The following SERPINB1 variants were observed in gnomAD, a reference collection of about 807,000 sequenced individuals.
SERPINB1 encodes the protein serpin family B member 1, also known as leukocyte elastase inhibitor.
A neutral mutation model predicts 25.9 loss-of-function variants in SERPINB1; 23 were observed. That is an observed-to-expected ratio of 0.89 (90% CI 0.64 to 1.26). The LOEUF is 1.26. Ranked by LOEUF, SERPINB1 falls within the 50% of genes most tolerant of loss-of-function variation. The pLI is 0.00. For missense variants in SERPINB1, 399 were observed against 463.6 expected, an observed-to-expected ratio of 0.86 and a Z score of 1.28; for synonymous variants, 178 against 178.7, an observed-to-expected ratio of 1.00 and a Z score of 0.03.
rs1766403590 is a variant in SERPINB1, at chr6:2,833,668, G to C, written c.1080C>G (p.Phe360Leu). ...ENFTADHPFL[F>L]FIRHNSSGSI... ...TACCTGAGGAATTATGCCGAATAAA[G>C]AAAAGGAATGGATGGTCGGCAGTGA... The change falls in exon 7 of 7, where the codon TTC becomes TTG. Residue 360 changes from phenylalanine to leucine, a missense_variant. Coordinates refer to ENST00000380739, the MANE Select transcript of SERPINB1 (RefSeq NM_030666.4). The C allele has an allele frequency of 6.2e-7, 1 of 1,614,202 alleles. No homozygotes were observed. The highest frequency in any genetic ancestry group is 2.2e-5 in the East Asian group (1 of 44,892).
At position 2,833,428 on chromosome 6, in the gene SERPINB1, G is replaced by A; in HGVS notation, c.*180C>T. On this transcript the variant is annotated 3_prime_UTR_variant, in exon 7 of 7. Coordinates refer to ENST00000380739, the MANE Select transcript of SERPINB1 (RefSeq NM_030666.4). ...TTTTTCAATGTAAAAAAGAAAAATA[G>A]ATACCCATGCCAAAATTCATGGGTG... The A allele has an allele frequency of 1.9e-6, 1 of 529,400 alleles. No individual in the cohort carries two copies. 32.8% of individuals were successfully genotyped at this position (529,400 alleles called of 1,614,324 possible).
At chr6:2,839,310 AG>A in intron 2 of SERPINB1, 6 of 985,380 alleles carry the variant, frequency 6.1e-6, no homozygotes, top group Non-Finnish European at 7.2e-6. Flanking sequence ...AAAATTGCAT[AG>A]GGTACGAAGT....
chr6:2,833,539 T>A lies in SERPINB1; in HGVS notation c.*69A>T. On this transcript the variant is annotated 3_prime_UTR_variant, in exon 7 of 7. Transcript: ENST00000380739. ...TTTATTGGTAAAGATATAAGACATA[T>A]TGGCTCTATTAAAAACTCAGGTAAT... 7.4e-7 allele frequency: 1 copy of A among 1,346,056 alleles called. No individual in the cohort carries two copies. The highest frequency in any genetic ancestry group is 1.0e-6 in the Non-Finnish European group (1 of 985,320). 83.4% of individuals were successfully genotyped at this position (1,346,056 alleles called of 1,614,324 possible).
chr6:2,837,570 C>T lies in SERPINB1; in HGVS notation c.424+312G>A, dbSNP rs1284723118. Among the ~76,000 whole-genome samples the T allele has an allele frequency of 2.6e-5, 4 of 152,282 alleles. No individual in the cohort carries two copies. Among genetic ancestry groups the T allele is most frequent in the South Asian group, 4.1e-4 (2 of 4,828 alleles). On this transcript the variant is annotated intron_variant, in intron 4 of 6. Transcript: ENST00000380739. The surrounding 1 kb of genome is among the most constrained non-coding windows in gnomAD (Gnocchi z 4.3). ...TGCTGGGATTACAGGCATGAGCCAC[C>T]GCGCCTGCCAATGTTGGTTTTAACT...
Position 2,835,980 on chromosome 6 carries a change from A to G in SERPINB1, c.611T>C (p.Phe204Ser), listed in dbSNP as rs775687282. The change falls in exon 6 of 7, where the codon TTT (phenylalanine) becomes TCT (serine). Residue 204 changes from phenylalanine to serine, a missense_variant. Physicochemically the swap from Phe to Ser is radical, Grantham distance 155. Transcript: ENST00000380739. ...AAGGTCCTCGATGTAGCCATATGCA[A>G]ATTTTTTCTTCTGATACATCATTTT... Reference protein sequence around the residue: ...TVKMMYQKKKFAYGYIEDLKC... With the variant: ...TVKMMYQKKKSAYGYIEDLKC... 3 of 1,614,140 alleles carry G rather than the reference A, an allele frequency of 1.9e-6. No individual in the cohort carries two copies. Among genetic ancestry groups the G allele is most frequent in the Non-Finnish European group, 8.5e-7 (1 of 1,180,024 alleles).
At position 2,838,615 on chromosome 6, in the gene SERPINB1, AC is replaced by A. The variant is rs1307988843; in HGVS notation, c.239del (p.Arg80LeufsTer7). ...CAAGTTTCAGAATATAAGACGCTCC[AC>A]GTTTGTTGATATCAGCATTCAGACT... ...FQSLNADINK[R>X]GASYILKLAN... On this transcript the variant is annotated frameshift_variant, in exon 3 of 7. Transcript: ENST00000380739. LOFTEE classifies it high-confidence loss of function. 3 of 1,610,596 alleles carry A rather than the reference AC, an allele frequency of 1.9e-6. No individual in the cohort carries two copies. The highest frequency in any genetic ancestry group is 3.4e-5 in the Admixed American group (2 of 59,470).
chr6:2,838,407 A>T (rs189265145), intron 3 of SERPINB1, 142 bp downstream of exon 3: 1 of 697,808 alleles, frequency 1.4e-6, no homozygotes, highest in South Asian at 3.5e-5. Context: ...TTTGCCTTCC[A>T]TATTGTTTTT....
At chr6:2,836,366 T>G (rs2293771) in intron 4 of SERPINB1, 116 bp from the exon 5 acceptor site, 147,763 of 1,126,520 alleles carry the variant, frequency 0.13, 10,283 homozygotes, top group South Asian at 0.18. Context: ...TAATTTTCAT[T>G]TAACAAGATA....
In SERPINB1 at chr6:2,833,835, A is replaced by G; in HGVS notation, c.913T>C (p.Ser305Pro). Reference protein sequence around the residue: ...DLFNSSKADLSGMSGARDIFI... With the variant: ...DLFNSSKADLPGMSGARDIFI... The stretch of plus-strand genomic sequence containing the variant: ...ATATCTCTGGCTCCTGACATGCCAG[A>G]CAGATCAGCCTTGCTACTGTTAAAG... The change falls in exon 7 of 7, where the codon TCT (serine) becomes CCT (proline). Residue 305 changes from serine (S) to proline (P), a missense_variant. By Grantham distance (74) the Ser-to-Pro change is moderately conservative (BLOSUM62 -1). Transcript: ENST00000380739. 1.2e-6 allele frequency: 2 copies of G among 1,614,206 alleles called. No individual in the cohort carries two copies. Among genetic ancestry groups the G allele is most frequent in the Non-Finnish European group, 8.5e-7 (1 of 1,180,032 alleles).
Position 2,837,917 on chromosome 6 carries a change from T to C in SERPINB1, c.389A>G (p.Lys130Arg). The change falls in exon 4 of 7, where the codon AAG (lysine) becomes AGG (arginine). Residue 130 changes from lysine to arginine, a missense_variant. Transcript: ENST00000380739. This position sits in a 1 kb window ranked among gnomAD's most constrained non-coding sequence, Gnocchi z 4.3. ...DFQHASEDAR[K>R]TINQWVKGQT... is the part of the protein sequence containing the mutation. ...TCCTTTGACCCACTGGTTTATGGTC[T>C]TCCTTGCATCTTCAGAGGCATGCTG... 1 of 1,614,142 alleles carries C rather than the reference T, an allele frequency of 6.2e-7. No individual in the cohort carries two copies.
chr6:2,832,376 C>CT lies in SERPINB1; in HGVS notation c.*1231dup, dbSNP rs1394639680. On this transcript the variant is annotated 3_prime_UTR_variant, in exon 7 of 7. Coordinates refer to ENST00000380739, the MANE Select transcript of SERPINB1 (RefSeq NM_030666.4). ...ACGTTTTATTAATTCATGATGCCCACTATCCTTGTGGGAGCAAGAATATGC... is the reference window on the plus strand; with the variant it reads ...ACGTTTTATTAATTCATGATGCCCACTTATCCTTGTGGGAGCAAGAATATGC... 3 of 152,222 alleles carry CT rather than the reference C, an allele frequency of 2.0e-5. No homozygotes were observed. Among genetic ancestry groups the CT allele is most frequent in the Non-Finnish European group, 1.5e-5 (1 of 68,064 alleles). The allele number at this position is 152,222 out of a possible 1,614,324, so 9.4% of individuals were successfully genotyped here.
At position 2,833,956 on chromosome 6, in the gene SERPINB1, G is replaced by A. The variant is rs1439886344; in HGVS notation, c.792C>T (p.Leu264=). The change falls in exon 7 of 7, where the codon CTC becomes CTT. Residue 264 remains leucine (L), a synonymous_variant. Coordinates refer to ENST00000380739, the MANE Select transcript of SERPINB1 (RefSeq NM_030666.4). Reference sequence around the variant, plus strand: ...AGCTGACATTAACTTCAATGAAATCGAGATTCTCAGGTTTAGTCCACTCAT... The same window carrying A: ...AGCTGACATTAACTTCAATGAAATCAAGATTCTCAGGTTTAGTCCACTCAT... The part of the protein sequence containing the change: ...KLHEWTKPEN[L]DFIEVNVSLP... 5.6e-6 allele frequency: 9 copies of A among 1,613,432 alleles called. No homozygotes were observed. Among genetic ancestry groups the A allele is most frequent in the Admixed American group, 3.3e-5 (2 of 59,940 alleles).
At chr6:2,840,684 G>T in intron 1 of SERPINB1, 90 bp from the exon 2 acceptor site, 1 of 1,301,934 alleles carries the variant, frequency 7.7e-7, no homozygotes, top group Non-Finnish European at 1.0e-6. Context: ...CTCAATTTCT[G>T]CCAACCGCCC....
chr6:2,840,223 C>T (rs1766606698), intron 2 of SERPINB1, among the ~76,000 whole-genome samples, 196 bp downstream of exon 2: 1 of 152,086 alleles, frequency 6.6e-6, no homozygotes, highest in Non-Finnish European at 1.5e-5. Context: ...GTTCCTGGTA[C>T]GTGGTAGGTA....
rs1218517084 is a variant in SERPINB1, at chr6:2,835,919, C to T, written c.672G>A (p.Glu224=). Residue 224 remains glutamate, a synonymous_variant, in exon 6 of 7, where the codon GAG becomes GAA. Coordinates refer to ENST00000380739, the MANE Select transcript of SERPINB1 (RefSeq NM_030666.4). The part of the protein sequence containing the change: ...CRVLELPYQG[E]ELSMVILLPD... Reference sequence around the variant, plus strand: ...GCAGCAGGATGACCATGCTGAGCTCCTCGCCTTGGTAAGGCAGTTCCAGCA... The same window carrying T: ...GCAGCAGGATGACCATGCTGAGCTCTTCGCCTTGGTAAGGCAGTTCCAGCA... The T allele has an allele frequency of 1.2e-6, 2 of 1,614,166 alleles. No individual in the cohort carries two copies. The highest frequency in any genetic ancestry group is 3.3e-5 in the Admixed American group (2 of 60,024).
Position 2,841,447 on chromosome 6 carries a change from G to A in SERPINB1, c.-9+365C>T, listed in dbSNP as rs1159047803. 6.6e-6 allele frequency: 1 copy of A among 152,628 alleles called. No homozygotes were observed. Among genetic ancestry groups the A allele is most frequent in the Non-Finnish European group, 1.5e-5 (1 of 68,426 alleles). The allele number at this position is 152,628 out of a possible 1,614,324, so 9.5% of individuals were successfully genotyped here. A position where few individuals can be genotyped will look rare whatever the true frequency, so the allele number is the denominator to read the frequency against. On this transcript the variant is annotated intron_variant, in intron 1 of 6. Coordinates refer to ENST00000380739, the MANE Select transcript of SERPINB1 (RefSeq NM_030666.4). The surrounding 1 kb of genome is among the most constrained non-coding windows in gnomAD (Gnocchi z 4.5). ...CAGATAGGAGCCGCGGCCTGGCCCT[G>A]GGCTGCCTGGAAACCGTCACAAACA... is the stretch of plus-strand genomic sequence containing the variant.
In SERPINB1 at chr6:2,836,135, C is replaced by T. The variant is rs747495354; in HGVS notation, c.540G>A (p.Thr180=). 3.7e-6 allele frequency: 6 copies of T among 1,613,880 alleles called. No individual in the cohort carries two copies. In the African/African-American group the frequency reaches 4.0e-5, roughly 11 times the overall value. The change falls in exon 5 of 7, where the codon ACG becomes ACA. Residue 180 remains threonine, a synonymous_variant. Coordinates refer to ENST00000380739, the MANE Select transcript of SERPINB1 (RefSeq NM_030666.4). The part of the protein sequence containing the change: ...NWKDKFMKEA[T]TNAPFRLNKK... ...TATTCAATCTGAATGGTGCATTCGT[C>T]GTGGCTTCTTTCATGAATTTATCCT... is the stretch of plus-strand genomic sequence containing the variant.
Position 2,838,460 on chromosome 6 carries a change from T to C in SERPINB1, c.306+89A>G, listed in dbSNP as rs908431654. 4 of 1,234,790 alleles carry C rather than the reference T, an allele frequency of 3.2e-6. No individual in the cohort carries two copies. The African/African-American group carries it at 6.2e-5, about 19-fold the overall frequency. 76.5% of individuals were successfully genotyped at this position (1,234,790 alleles called of 1,614,324 possible). Reference sequence around the variant, plus strand: ...TATTGTTTTTCTGAAAGTTTACAAATATTAAAACTGACCTCCATGACTTGA... The same window carrying C: ...TATTGTTTTTCTGAAAGTTTACAAACATTAAAACTGACCTCCATGACTTGA... On this transcript the variant is annotated intron_variant, in intron 3 of 6. Transcript: ENST00000380739.
chr6:2,832,997 T>C lies in SERPINB1; in HGVS notation c.*611A>G, dbSNP rs1254418017. The C allele has an allele frequency of 6.6e-6, 1 of 152,150 alleles. No homozygotes were observed. The highest frequency in any genetic ancestry group is 1.5e-5 in the Non-Finnish European group (1 of 68,064). The allele number at this position is 152,150 out of a possible 1,614,324, so 9.4% of individuals were successfully genotyped here. A position where few individuals can be genotyped will look rare whatever the true frequency, so the allele number is the denominator to read the frequency against. Reference sequence around the variant, plus strand: ...GCAGCGCCACATGAACTATATATTATACATAAAGAAGAACAAAAAAGGGAA... The same window carrying C: ...GCAGCGCCACATGAACTATATATTACACATAAAGAAGAACAAAAAAGGGAA... On this transcript the variant is annotated 3_prime_UTR_variant, in exon 7 of 7. Transcript: ENST00000380739.
Sources: gnomAD v4.1 joint callset for allele counts (sites outside exome capture counted in the v4.1 genomes callset) on GRCh38, gnomAD v4.1.1 for gene constraint, Gnocchi (gnomAD v3.1) non-coding constraint, MANE v1.5 for transcripts, NCBI Gene and HGNC (gene_info 2026-07-23, HGNC 2026-07-21) for gene names.